Variants in ARSB observed in about 807,000 individuals in gnomAD.
ARSB encodes N-acetylgalactosamine-4-sulfatase.
A neutral mutation model predicts 50.9 loss-of-function variants in ARSB; 41 were observed. That is an observed-to-expected ratio of 0.81 (90% CI 0.63 to 1.04). ARSB has a LOEUF of 1.04. Among genes scored for constraint, ARSB ranks in the 50% least tolerant of loss-of-function variants. ARSB has a pLI of 0.00. For synonymous variants in ARSB, 269 were observed against 284.8 expected (o/e 0.94, Z 0.56); for missense variants, 672 against 693.3 (o/e 0.97, Z 0.35).
At chr5:78,913,566 A>C (rs1350144764) in intron 4 of ARSB, among the ~76,000 whole-genome samples, 1 of 152,202 alleles carries the variant, frequency 6.6e-6, no homozygotes, top group African/African-American at 2.4e-5. Context: ...TGCTATAATT[A>C]AACACAAATG....
rs562085615 is a variant in ARSB at position 78,820,542 on chromosome 5, C to G, written c.1213+18814G>C. On this transcript the variant is annotated intron_variant, in intron 6 of 7. Transcript: ENST00000264914. ...CACCACTGCACTCCAGCCTGGGCAA[C>G]AGAGCAAGACTCCAACTCAAAAAAG... is the stretch of plus-strand genomic sequence containing the variant. Among the ~76,000 whole-genome samples, 4 of 151,758 alleles carry G rather than the reference C, an allele frequency of 2.6e-5. No individual in the cohort carries two copies. In the South Asian group the frequency reaches 8.3e-4, roughly 32 times the overall value.
intron 6 of ARSB, among the ~76,000 whole-genome samples, chr5:78,804,560 A>C (rs1023918093): frequency 2.6e-5 from 4 of 152,122 alleles, no homozygotes; most frequent in African/African-American, 9.6e-5. Flanking sequence ...GCTCAGAGGG[A>C]TCAGGAGAAA....
intron 5 of ARSB, among the ~76,000 whole-genome samples, chr5:78,843,836 T>C (rs567946942): frequency 3.5e-4 from 54 of 152,360 alleles, no homozygotes; most frequent in African/African-American, 1.3e-3. Flanking sequence ...CTTCTTTCAC[T>C]TAGCATAATG....
chr5:78,845,345 G>A (rs1299370931), intron 5 of ARSB, among the ~76,000 whole-genome samples: 1 of 152,074 alleles, frequency 6.6e-6, no homozygotes, highest in Non-Finnish European at 1.5e-5. Flanking sequence ...ATATGGGAGT[G>A]CACATATCTC....
At chr5:78,851,310 G>A (rs987400005) in intron 5 of ARSB, among the ~76,000 whole-genome samples, 5 of 152,046 alleles carry the variant, frequency 3.3e-5, no homozygotes, top group East Asian at 1.9e-4. Flanking sequence ...CCTTCATTTC[G>A]TTAAGTACCC....
In ARSB at chr5:78,985,007, A is replaced by G; in HGVS notation, c.242T>C (p.Leu81Pro). ...CGGCTGCGTGTAGTAGTTGTCCAGGAGCACCCCGCCGGCCGCCAGCGCGTC... is the reference window on the plus strand; with the variant it reads ...CGGCTGCGTGTAGTAGTTGTCCAGGGGCACCCCGCCGGCCGCCAGCGCGTC... ...HLDALAAGGVLLDNYYTQPLC... is the reference protein window; with the variant it reads ...HLDALAAGGVPLDNYYTQPLC... Residue 81 changes from leucine to proline, a missense_variant, in exon 1 of 8, where the codon CTC becomes CCC. Physicochemically the swap from Leu to Pro is moderately conservative, Grantham distance 98. Transcript: ENST00000264914. 1 of 1,539,002 alleles carries G rather than the reference A, an allele frequency of 6.5e-7. No individual in the cohort carries two copies. Among genetic ancestry groups the G allele is most frequent in the Non-Finnish European group, 8.7e-7 (1 of 1,146,012 alleles).
At chr5:78,968,509 C>T (rs1313904618) in intron 2 of ARSB, among the ~76,000 whole-genome samples, 1 of 151,794 alleles carries the variant, frequency 6.6e-6, no homozygotes, top group Non-Finnish European at 1.5e-5. Flanking sequence ...CCACCATGCC[C>T]GGTTAATTTT....
chr5:78,919,368 A>G (rs1749698718), intron 4 of ARSB, among the ~76,000 whole-genome samples: 1 of 152,254 alleles, frequency 6.6e-6, no homozygotes, highest in South Asian at 2.1e-4. Context: ...CTTCAGGCAG[A>G]GTTCATGTAT....
intron 6 of ARSB, among the ~76,000 whole-genome samples, chr5:78,835,113 T>C (rs1433089237): frequency 6.6e-6 from 1 of 152,156 alleles, no homozygotes; most frequent in Non-Finnish European, 1.5e-5. Context: ...TATGAGAGAT[T>C]TGGTGACCCC....
Position 78,908,623 on chromosome 5 carries a change from G to A in ARSB, c.899-22796C>T, listed in dbSNP as rs115079767. On this transcript the variant is annotated intron_variant, in intron 4 of 7. Transcript: ENST00000264914. ...AGAGAGCATTCTCAGTTAATGGCTT[G>A]AGTGTCAGGGCCACCAGTCTCCCGG... Among the ~76,000 whole-genome samples the A allele has an allele frequency of 8.5e-3, 1,296 of 152,286 alleles. 18 individuals carry two copies. The highest frequency in any genetic ancestry group is 0.03 in the African/African-American group (1,248 of 41,568).
intron 6 of ARSB, among the ~76,000 whole-genome samples, chr5:78,817,707 G>A (rs1258923836): frequency 6.6e-6 from 1 of 152,104 alleles, no homozygotes; most frequent in African/African-American, 2.4e-5. Flanking sequence ...TACTCAGGAG[G>A]CTGAGGCAGG....
chr5:78,804,646 T>C (rs1743503169), intron 6 of ARSB, among the ~76,000 whole-genome samples: 2 of 152,220 alleles, frequency 1.3e-5, no homozygotes, highest in South Asian at 4.1e-4. Context: ...ATTACCCAAA[T>C]GCTTTCAAAG....
At chr5:78,843,661 T>G (rs565480644) in intron 5 of ARSB, among the ~76,000 whole-genome samples, 2 of 152,300 alleles carry the variant, frequency 1.3e-5, no homozygotes, top group East Asian at 3.9e-4. Flanking sequence ...TTAGAACATT[T>G]TTATCCTCCC....
At chr5:78,821,330 G>C (rs1171576631) in intron 6 of ARSB, among the ~76,000 whole-genome samples, 3 of 152,022 alleles carry the variant, frequency 2.0e-5, no homozygotes, top group Non-Finnish European at 4.4e-5. Flanking sequence ...TAGAGACAGA[G>C]TTTCACCATG....
rs528039368 is a variant in ARSB at position 78,821,591 on chromosome 5, A to G, written c.1213+17765T>C. On this transcript the variant is annotated intron_variant, in intron 6 of 7. Coordinates refer to ENST00000264914, the MANE Select transcript of ARSB (RefSeq NM_000046.5). ...GGTTTAGTGGTGAGAGTGAGGCAGA[A>G]TTCAAGGAAGGAATTTTTAGAATGT... Among the ~76,000 whole-genome samples, 7 of 152,370 alleles carry G rather than the reference A, an allele frequency of 4.6e-5. 1 individual carries two copies. In the East Asian group the frequency reaches 1.3e-3, roughly 29 times the overall value.
At chr5:78,819,755 G>T (rs895078405) in intron 6 of ARSB, among the ~76,000 whole-genome samples, 10 of 152,238 alleles carry the variant, frequency 6.6e-5, no homozygotes, top group Non-Finnish European at 1.3e-4. Flanking sequence ...AGACTGAAGG[G>T]GGCCACAGAG....
chr5:78,823,860 T>C (rs1007078024), intron 6 of ARSB, among the ~76,000 whole-genome samples: 3 of 152,234 alleles, frequency 2.0e-5, no homozygotes, highest in Non-Finnish European at 4.4e-5. Flanking sequence ...CTAGCTTAAA[T>C]AGAAATGTGG....
intron 6 of ARSB, among the ~76,000 whole-genome samples, chr5:78,786,474 T>G (rs1161883034): frequency 6.6e-6 from 1 of 152,264 alleles, no homozygotes; most frequent in African/African-American, 2.4e-5. Context: ...AACATTCATG[T>G]ACAATTTCAG....
chr5:78,976,118 T>A, intron 1 of ARSB, among the ~76,000 whole-genome samples: 1 of 152,000 alleles, frequency 6.6e-6, no homozygotes, highest in East Asian at 1.9e-4. Flanking sequence ...ATAACATGCC[T>A]CCAAGCGATA....
Sources: allele counts gnomAD v4.1 joint callset (sites outside exome capture counted in the v4.1 genomes callset), GRCh38; gene constraint gnomAD v4.1.1; transcripts MANE v1.5; gene names NCBI Gene and HGNC (gene_info 2026-07-23, HGNC 2026-07-21).